The following NFX1 variants were observed in gnomAD, a reference collection of about 807,000 sequenced individuals.
The protein encoded by NFX1 is nuclear transcription factor, X-box binding 1.
NFX1 carries 69 observed loss-of-function variants against 137.2 expected under a neutral mutation model. That is an observed-to-expected ratio of 0.50 (90% confidence interval 0.41 to 0.61). The LOEUF is 0.61. Among genes scored for constraint, NFX1 ranks in the 20% least tolerant of loss-of-function variants. The probability of loss-of-function intolerance (pLI) is 0.00; values close to 1 mark genes in which losing one functional copy is unlikely to be tolerated. For missense variants in NFX1, 1,167 were observed against 1,391.0 expected (o/e 0.84, Z 2.56); for synonymous variants, 495 against 474.1 (o/e 1.04, Z -0.57).
At chr9:33,352,625 T>A in intron 16 of NFX1, 21 bp from the exon 17 acceptor site, 1 of 1,611,578 alleles carries the variant, frequency 6.2e-7, no homozygotes. Context: ...TAAAAGTCGT[T>A]CCATGTTCAT....
intron 4 of NFX1, among the ~76,000 whole-genome samples, chr9:33,306,018 C>T (rs1821741414): frequency 6.6e-6 from 1 of 152,126 alleles, no homozygotes; most frequent in South Asian, 2.1e-4. Context: ...CATTTGGAGT[C>T]AGGGACAAAA....
chr9:33,303,289 T>A, intron 4 of NFX1, 21 bp downstream of exon 4: 1 of 1,600,634 alleles, frequency 6.2e-7, no homozygotes, highest in East Asian at 2.2e-5. Context: ...TTATATACAC[T>A]GGAGTCTCTT....
Position 33,313,642 on chromosome 9 carries a change from T to C in NFX1, c.1449-12T>C, listed in dbSNP as rs1168672862. The C allele has an allele frequency of 6.2e-7, 1 of 1,613,714 alleles. No homozygotes were observed. The highest frequency in any genetic ancestry group is 1.3e-5 in the African/African-American group (1 of 75,032). ...TACACTGATGCTGTCTTTACATCTA[T>C]TGTCTTTACAGGCACACAGTTCGCT... On this transcript the variant is annotated splice_polypyrimidine_tract_variant and intron_variant, in intron 6 of 23. Transcript: ENST00000379540.
chr9:33,291,521 C>G (rs1410080806), intron 1 of NFX1, among the ~76,000 whole-genome samples: 1 of 152,138 alleles, frequency 6.6e-6, no homozygotes, highest in African/African-American at 2.4e-5. Flanking sequence ...AGCTCTGTCC[C>G]TGACCAGCCG....
At chr9:33,359,683 T>C (rs1347827299) in intron 19 of NFX1, among the ~76,000 whole-genome samples, 1 of 152,208 alleles carries the variant, frequency 6.6e-6, no homozygotes, top group African/African-American at 2.4e-5. Context: ...ATATGATGTC[T>C]GCAGTAAGTT....
At chr9:33,354,301 G>C in intron 18 of NFX1, 114 bp downstream of exon 18, 1 of 791,118 alleles carries the variant, frequency 1.3e-6, no homozygotes, top group South Asian at 1.8e-5. Context: ...TACACAATAA[G>C]TATTCAATAG....
intron 10 of NFX1, among the ~76,000 whole-genome samples, chr9:33,329,815 C>T (rs1474080649): frequency 1.3e-5 from 2 of 152,092 alleles, no homozygotes; most frequent in Non-Finnish European, 2.9e-5. Context: ...CATGCCATCA[C>T]ACCCGGCTAA....
intron 2 of NFX1, among the ~76,000 whole-genome samples, chr9:33,300,873 G>A (rs1821536933): frequency 6.6e-6 from 1 of 152,240 alleles, no homozygotes; most frequent in Admixed American, 6.5e-5. Context: ...AGCTTCACGA[G>A]CCTCTTTCTA....
At chr9:33,329,590 A>C (rs542801529) in intron 10 of NFX1, among the ~76,000 whole-genome samples, 1 of 151,676 alleles carries the variant, frequency 6.6e-6, no homozygotes, top group Non-Finnish European at 1.5e-5. Flanking sequence ...TTCACTGTAC[A>C]TCTGTTTTGT....
intron 9 of NFX1, among the ~76,000 whole-genome samples, chr9:33,322,445 T>A (rs1334397979): frequency 6.6e-6 from 1 of 152,052 alleles, no homozygotes; most frequent in African/African-American, 2.4e-5. Flanking sequence ...CATATCTCAC[T>A]GGGAAGGCCA....
chr9:33,294,365 G>GT, intron 1 of NFX1, 55 bp from the exon 2 acceptor site: 1 of 1,470,668 alleles, frequency 6.8e-7, no homozygotes, highest in Non-Finnish European at 9.1e-7. Context: ...GAGTCTATGA[G>GT]TTTCATGGAT....
In NFX1 at chr9:33,370,035, C is replaced by A; in HGVS notation, c.*57C>A. ...ATTAGGTATAGTGGAGACTTATTTGCCAGCAGATAAATCATGCCCGTTCCC... is the reference window on the plus strand; with the variant it reads ...ATTAGGTATAGTGGAGACTTATTTGACAGCAGATAAATCATGCCCGTTCCC... On this transcript the variant is annotated 3_prime_UTR_variant, in exon 24 of 24. Transcript: ENST00000379540. 7.3e-7 allele frequency: 1 copy of A among 1,378,896 alleles called. No individual in the cohort carries two copies. Among genetic ancestry groups the A allele is most frequent in the Non-Finnish European group, 1.0e-6 (1 of 973,932 alleles). The allele number at this position is 1,378,896 out of a possible 1,614,324, so 85.4% of individuals were successfully genotyped here. A position where few individuals can be genotyped will look rare whatever the true frequency, so the allele number is the denominator to read the frequency against.
chr9:33,351,546 T>C lies in NFX1; in HGVS notation c.2425-14T>C. 6.2e-7 allele frequency: 1 copy of C among 1,612,810 alleles called. No homozygotes were observed. Reference sequence around the variant, plus strand: ...ACATGGAGATGAGAATCTGGCTACTTCTGTCTCTCCTAGTTTCGGAGCAAC... The same window carrying C: ...ACATGGAGATGAGAATCTGGCTACTCCTGTCTCTCCTAGTTTCGGAGCAAC... On this transcript the variant is annotated splice_polypyrimidine_tract_variant and intron_variant, in intron 15 of 23. Coordinates refer to ENST00000379540, the MANE Select transcript of NFX1 (RefSeq NM_002504.6).
In NFX1 at chr9:33,367,590, G is replaced by A. The variant is rs774338992; in HGVS notation, c.3261G>A (p.Pro1087=). 8.7e-6 allele frequency: 14 copies of A among 1,613,768 alleles called. No individual in the cohort carries two copies. The South Asian group carries it at 8.8e-5, about 10-fold the overall frequency. ...AAATGCAGGCACGGCCTCCACCACC[G>A]ATTCCTCATCACAGACATCAGTCAG... ...EREMQARPPP[P]IPHHRHQSDK... is the part of the protein sequence containing the mutation. The change falls in exon 23 of 24, where the codon CCG becomes CCA. Residue 1087 remains proline, a synonymous_variant. Coordinates refer to ENST00000379540, the MANE Select transcript of NFX1 (RefSeq NM_002504.6).
chr9:33,345,860 A>G (rs1214194733), intron 14 of NFX1, among the ~76,000 whole-genome samples: 3 of 152,232 alleles, frequency 2.0e-5, no homozygotes, highest in Admixed American at 6.5e-5. Context: ...ACCATTTGAC[A>G]TCACTCAATT....
chr9:33,338,391 T>C (rs1215074340), intron 11 of NFX1, 119 bp from the exon 12 acceptor site: 7 of 908,102 alleles, frequency 7.7e-6, no homozygotes, highest in Non-Finnish European at 1.2e-5. Flanking sequence ...TGCATTTACA[T>C]TATTACAATT....
intron 9 of NFX1, among the ~76,000 whole-genome samples, chr9:33,319,960 C>CTT (rs1324486880): frequency 1.3e-5 from 2 of 149,190 alleles, no homozygotes; most frequent in African/African-American, 4.9e-5. Flanking sequence ...CTTTTCTTTT[C>CTT]TTTTCTTTTT....
intron 15 of NFX1, among the ~76,000 whole-genome samples, chr9:33,350,467 G>A (rs1353952548): frequency 2.0e-5 from 3 of 152,196 alleles, no homozygotes; most frequent in Non-Finnish European, 4.4e-5. Context: ...GCCCCTGCCA[G>A]TTAGTCATAG....
intron 4 of NFX1, among the ~76,000 whole-genome samples, chr9:33,306,383 G>C (rs779327775): frequency 2.3e-4 from 35 of 152,194 alleles, no homozygotes; most frequent in Non-Finnish European, 1.6e-4. Flanking sequence ...CCCCAAGCAA[G>C]AATGTTCAGC....
Sources: allele counts gnomAD v4.1 joint callset (sites outside exome capture counted in the v4.1 genomes callset), GRCh38; gene constraint gnomAD v4.1.1; transcripts MANE v1.5; gene names NCBI Gene and HGNC (gene_info 2026-07-23, HGNC 2026-07-21).